The following CDK14 variants were observed in gnomAD, a reference collection of about 807,000 sequenced individuals.
CDK14 encodes the protein cyclin dependent kinase 14.
CDK14 carries 34 observed loss-of-function variants against 60.7 expected under a neutral mutation model. The ratio of observed to expected loss-of-function variants is 0.56; its 90% CI spans 0.43 to 0.75. The LOEUF (loss-of-function observed/expected upper bound fraction) is 0.75, where lower values mean the gene tolerates loss of function less well. Among genes scored for constraint, CDK14 ranks in the 30% least tolerant of loss-of-function variants. CDK14 has a pLI of 0.00. For synonymous variants in CDK14, 197 were observed against 203.7 expected (o/e 0.97, Z 0.28); for missense variants, 482 against 564.1 (o/e 0.85, Z 1.47).
intron 11 of CDK14, 49 bp downstream of exon 11, chr7:91,046,009 G>A (rs1354111007): frequency 3.2e-6 from 4 of 1,230,846 alleles, no homozygotes; most frequent in South Asian, 1.2e-5. Context: ...TATGCAAAAG[G>A]TGAGTATATA....
chr7:90,910,564 A>T (rs73405489), intron 7 of CDK14, among the ~76,000 whole-genome samples: 4,598 of 152,254 alleles, frequency 0.03, 225 homozygotes, highest in African/African-American at 0.1. Flanking sequence ...TTTATTATTC[A>T]TGTATAACTT....
chr7:90,759,295 C>A (rs1249035481), intron 4 of CDK14, among the ~76,000 whole-genome samples: 2 of 152,120 alleles, frequency 1.3e-5, no homozygotes, highest in East Asian at 1.9e-4. Flanking sequence ...TCCCCCCAAG[C>A]AAATATAATG....
At chr7:90,847,292 A>G (rs930757017) in intron 5 of CDK14, among the ~76,000 whole-genome samples, 1 of 152,240 alleles carries the variant, frequency 6.6e-6, no homozygotes, top group African/African-American at 2.4e-5. Flanking sequence ...TAGGTGGTCA[A>G]TACATATTAG....
At chr7:90,792,379 T>C (rs1327349832) in intron 5 of CDK14, among the ~76,000 whole-genome samples, 1 of 152,158 alleles carries the variant, frequency 6.6e-6, no homozygotes, top group African/African-American at 2.4e-5. Context: ...TACAGTAGTA[T>C]ATAAAAAGGA....
rs1802973841 is a variant in CDK14 at position 91,208,580 on chromosome 7, GA to G, written c.*1446del. On this transcript the variant is annotated 3_prime_UTR_variant, in exon 15 of 15. Coordinates refer to ENST00000380050, the MANE Select transcript of CDK14 (RefSeq NM_001287135.2). ...CTTACATTTTCCTATTAGTCAGAAA[GA>G]AGGAGAGAATGAGTGAGTGCTTGAA... 1.3e-5 allele frequency: 2 copies of G among 152,376 alleles called. No individual in the cohort carries two copies. The highest frequency in any genetic ancestry group is 4.1e-4 in the South Asian group (2 of 4,828). The allele number at this position is 152,376 out of a possible 1,614,324, so 9.4% of individuals were successfully genotyped here.
intron 2 of CDK14, among the ~76,000 whole-genome samples, chr7:90,704,753 A>G (rs1045222406): frequency 6.6e-6 from 1 of 152,116 alleles, no homozygotes; most frequent in African/African-American, 2.4e-5. Flanking sequence ...TAGGTTTGGT[A>G]TTGTGGTTAA....
intron 6 of CDK14, among the ~76,000 whole-genome samples, chr7:90,894,304 T>C (rs988361271): frequency 3.3e-5 from 5 of 152,118 alleles, no homozygotes; most frequent in Non-Finnish European, 5.9e-5. Context: ...TTACAGAGAT[T>C]ATGTCACCTG....
chr7:90,726,913 T>G (rs1208091612), intron 3 of CDK14, 101 bp downstream of exon 3: 1 of 1,340,164 alleles, frequency 7.5e-7, no homozygotes, highest in South Asian at 1.4e-5. Flanking sequence ...TATCAGTGCC[T>G]TATTATGCAT....
intron 2 of CDK14, among the ~76,000 whole-genome samples, chr7:90,682,686 ACC>A (rs373658839): frequency 0.18 from 27,346 of 152,108 alleles, 2,567 homozygotes; most frequent in Non-Finnish European, 0.2. Context: ...GCTTCTGTTC[ACC>A]TCAGTGCAGA....
At chr7:91,085,062 T>C (rs1562897775) in intron 12 of CDK14, among the ~76,000 whole-genome samples, 1 of 152,198 alleles carries the variant, frequency 6.6e-6, no homozygotes, top group Non-Finnish European at 1.5e-5. Context: ...GCCATGGGTG[T>C]TTGTATTCTG....
chr7:90,869,073 A>T (rs1044047077), intron 6 of CDK14, among the ~76,000 whole-genome samples: 7 of 152,198 alleles, frequency 4.6e-5, no homozygotes, highest in African/African-American at 1.7e-4. Flanking sequence ...ATACATTTTG[A>T]TGTTTAAATC....
chr7:90,628,462 G>C (rs937680425), intron 2 of CDK14, among the ~76,000 whole-genome samples: 13 of 152,086 alleles, frequency 8.5e-5, no homozygotes, highest in African/African-American at 2.9e-4. Context: ...GGGTCCATAT[G>C]ATCTATTCTG....
At chr7:90,960,703 A>G (rs998540326) in intron 9 of CDK14, among the ~76,000 whole-genome samples, 1 of 152,144 alleles carries the variant, frequency 6.6e-6, no homozygotes, top group Admixed American at 6.5e-5. Flanking sequence ...GCAGTGTACA[A>G]AGTTCTGCCA....
At chr7:91,062,196 AGC>A (rs1349891471) in intron 11 of CDK14, among the ~76,000 whole-genome samples, 1 of 152,190 alleles carries the variant, frequency 6.6e-6, no homozygotes, top group East Asian at 1.9e-4. Context: ...GGACCCTCCG[AGC>A]CAGGTGTGGG....
At chr7:90,996,651 A>T (rs1205997281) in intron 10 of CDK14, among the ~76,000 whole-genome samples, 1 of 152,170 alleles carries the variant, frequency 6.6e-6, no homozygotes, top group Non-Finnish European at 1.5e-5. Flanking sequence ...TTTCCAGGTA[A>T]TGTGTATGTA....
rs567137098 is a variant in CDK14 at position 91,073,559 on chromosome 7, A to G, written c.1106-5873A>G. ...GCCACTGCAAAAAACACACCAAAAT[A>G]TAAAGACCAATGATGTTGTGAAGAA... On this transcript the variant is annotated intron_variant, in intron 11 of 14. Coordinates refer to ENST00000380050, the MANE Select transcript of CDK14 (RefSeq NM_001287135.2). Among the ~76,000 whole-genome samples, 7 of 152,296 alleles carry G rather than the reference A, an allele frequency of 4.6e-5. No homozygotes were observed. In the East Asian group the frequency reaches 1.3e-3, roughly 29 times the overall value.
intron 2 of CDK14, among the ~76,000 whole-genome samples, chr7:90,700,541 C>T (rs925090650): frequency 2.6e-5 from 4 of 152,224 alleles, no homozygotes; most frequent in East Asian, 3.9e-4. Flanking sequence ...AGAAATCATT[C>T]GAATCTTCTA....
At chr7:90,667,064 TATATG>T (rs1800995612) in intron 2 of CDK14, among the ~76,000 whole-genome samples, 1 of 152,198 alleles carries the variant, frequency 6.6e-6, no homozygotes, top group Non-Finnish European at 1.5e-5. Context: ...TATTGATTGA[TATATG>T]ATAGTTGCAC....
chr7:90,679,995 A>T (rs1474983093), intron 2 of CDK14, among the ~76,000 whole-genome samples: 1 of 152,150 alleles, frequency 6.6e-6, no homozygotes, highest in Non-Finnish European at 1.5e-5. Context: ...ATTAAAAATT[A>T]CTATGTGTAA....
Sources: allele counts gnomAD v4.1 joint callset (sites outside exome capture counted in the v4.1 genomes callset), GRCh38; gene constraint gnomAD v4.1.1; transcripts MANE v1.5; gene names NCBI Gene and HGNC (gene_info 2026-07-23, HGNC 2026-07-21).